The following SELENOO variants were observed in gnomAD, a reference collection of about 807,000 sequenced individuals.
SELENOO encodes the protein protein adenylyltransferase SelO, mitochondrial.
Under a neutral mutation model 58.7 loss-of-function variants are expected in SELENOO, and 74 were observed. The ratio of observed to expected loss-of-function variants is 1.26; its 90% CI spans 1.04 to 1.53. The LOEUF (loss-of-function observed/expected upper bound fraction) is 1.53. Among genes scored for constraint, SELENOO ranks in the 40% most tolerant of loss-of-function variants. The pLI is 0.00. For synonymous variants in SELENOO, 543 were observed against 453.2 expected, an observed-to-expected ratio of 1.20 and a Z score of -2.52; for missense variants, 1,149 against 970.0, an observed-to-expected ratio of 1.18 and a Z score of -2.45.
At chr22:50,201,713 C>T (rs1443276007) in intron 1 of SELENOO, 123 bp downstream of exon 1, 2 of 699,634 alleles carry the variant, frequency 2.9e-6, no homozygotes, top group Non-Finnish European at 3.9e-6. Context: ...CCTGCACCCG[C>T]GGGAGCGCGG....
chr22:50,211,052 T>G, intron 5 of SELENOO, 141 bp downstream of exon 5: 14 of 840,666 alleles, frequency 1.7e-5, no homozygotes, highest in Non-Finnish European at 2.5e-5. Flanking sequence ...TTCTACTCTC[T>G]GTCTTTATGA....
At chr22:50,215,142 C>T (rs1178753636) in intron 5 of SELENOO, among the ~76,000 whole-genome samples, 1 of 152,172 alleles carries the variant, frequency 6.6e-6, no homozygotes, top group Non-Finnish European at 1.5e-5. Context: ...TTTCCAGAGT[C>T]AGGGGGAGGA....
intron 5 of SELENOO, 139 bp downstream of exon 5, chr22:50,211,050 T>C: frequency 1.2e-6 from 1 of 857,226 alleles, no homozygotes; most frequent in Non-Finnish European, 1.8e-6. Flanking sequence ...CATTCTACTC[T>C]CTGTCTTTAT....
At chr22:50,206,117 C>T in intron 1 of SELENOO, 200 bp from the exon 2 acceptor site, 1 of 601,270 alleles carries the variant, frequency 1.7e-6, no homozygotes, top group East Asian at 2.8e-5. Context: ...TGCCGACAAC[C>T]TGCTGGGCTG....
At chr22:50,201,980 C>T (rs1429197382) in intron 1 of SELENOO, among the ~76,000 whole-genome samples, 1 of 152,216 alleles carries the variant, frequency 6.6e-6, no homozygotes, top group African/African-American at 2.4e-5. Context: ...CCCTGACTTC[C>T]CTGCGGGCAG....
chr22:50,211,268 T>G (rs2064369759), intron 5 of SELENOO, among the ~76,000 whole-genome samples: 1 of 152,218 alleles, frequency 6.6e-6, no homozygotes, highest in African/African-American at 2.4e-5. Flanking sequence ...GTTCCTCTTC[T>G]GGCTGTTGCG....
chr22:50,212,427 A>G (rs1026709752), intron 5 of SELENOO, among the ~76,000 whole-genome samples: 7 of 152,204 alleles, frequency 4.6e-5, no homozygotes, highest in Non-Finnish European at 1.0e-4. Context: ...ATTTTGGCAT[A>G]TAATTGTTCG....
At chr22:50,214,692 G>A (rs887320683) in intron 5 of SELENOO, among the ~76,000 whole-genome samples, 2 of 152,186 alleles carry the variant, frequency 1.3e-5, no homozygotes, top group Admixed American at 1.3e-4. Context: ...TGGAACCCAG[G>A]AGGCGGAGGT....
At chr22:50,209,269 G>A (rs1485602491) in intron 3 of SELENOO, 1 of 152,646 alleles carries the variant, frequency 6.6e-6, no homozygotes, top group African/African-American at 2.4e-5. Context: ...GGGTTCCGGG[G>A]GACCGGGCAC....
Position 50,216,774 on chromosome 22 carries a change from A to C in SELENOO, c.1586A>C (p.Glu529Ala), listed in dbSNP as rs2064416562. The change falls in exon 7 of 9, where the codon GAG (glutamate) becomes GCG (alanine). Residue 529 changes from glutamate (E) to alanine (A), a missense_variant. By Grantham distance (107) the Glu-to-Ala change is moderately radical. Transcript: ENST00000380903. Reference sequence around the variant, plus strand: ...GGCACCCGGGCAGGCATCGCCAGGGAGCTGGAGCGTGTGGAGCAGCAGTCT... The same window carrying C: ...GGCACCCGGGCAGGCATCGCCAGGGCGCTGGAGCGTGTGGAGCAGCAGTCT... ...LMGTRAGIAR[E>A]LERVEQQSRL... 6.2e-7 allele frequency: 1 copy of C among 1,608,908 alleles called. No homozygotes were observed. Among genetic ancestry groups the C allele is most frequent in the African/African-American group, 1.3e-5 (1 of 74,994 alleles).
intron 5 of SELENOO, among the ~76,000 whole-genome samples, chr22:50,213,755 T>C (rs959443851): frequency 2.0e-5 from 3 of 151,802 alleles, no homozygotes; most frequent in African/African-American, 4.8e-5. Flanking sequence ...TCACGGCATT[T>C]TCCTGCCTCA....
chr22:50,201,114 G>A lies in SELENOO; in HGVS notation c.78G>A (p.Ser26=), dbSNP rs775782214. 1.2e-4 allele frequency: 161 copies of A among 1,341,258 alleles called. 4 individuals carry two copies. The highest frequency in any genetic ancestry group is 2.3e-4 in the Admixed American group (7 of 29,818). The allele number at this position is 1,341,258 out of a possible 1,614,324, so 83.1% of individuals were successfully genotyped here. A position where few individuals can be genotyped will look rare whatever the true frequency, so the allele number is the denominator to read the frequency against. Residue 26 remains serine, a synonymous_variant, in exon 1 of 9, where the codon TCG becomes TCA. Transcript: ENST00000380903. ...RLLPLGRCSP[S]PAPRSTLSGA... is the part of the protein sequence containing the mutation. ...TGCCCCTCGGTCGCTGTTCCCCGTCGCCGGCGCCCCGCTCTACGTTGTCGG... is the reference window on the plus strand; with the variant it reads ...TGCCCCTCGGTCGCTGTTCCCCGTCACCGGCGCCCCGCTCTACGTTGTCGG...
Position 50,201,405 on chromosome 22 carries a change from CT to C in SELENOO, c.371del (p.Phe124SerfsTer124). On this transcript the variant is annotated frameshift_variant, in exon 1 of 9. Transcript: ENST00000380903. LOFTEE classifies it high-confidence loss of function. ...AGGCCGAGGCCGAGGCCGCGCTGTT[CT>C]TCAGCGGCAACGCGCTCCTGCCGGG... ...REAEAEAALF[F>X]SGNALLPGAE... is the part of the protein sequence containing the mutation. 1 of 1,336,950 alleles carries C rather than the reference CT, an allele frequency of 7.5e-7. No homozygotes were observed. The highest frequency in any genetic ancestry group is 1.7e-5 in the South Asian group (1 of 58,500). 82.8% of individuals were successfully genotyped at this position (1,336,950 alleles called of 1,614,324 possible).
intron 1 of SELENOO, chr22:50,206,115 AC>A (rs1429187260): frequency 1.7e-6 from 1 of 598,896 alleles, no homozygotes; most frequent in East Asian, 2.8e-5. Context: ...TGTGCCGACA[AC>A]CTGCTGGGCT....
At chr22:50,211,725 C>T (rs1271763190) in intron 5 of SELENOO, among the ~76,000 whole-genome samples, 1 of 152,132 alleles carries the variant, frequency 6.6e-6, no homozygotes, top group South Asian at 2.1e-4. Context: ...TTTTTTGAGA[C>T]GGAGTTTCAC....
Position 50,210,447 on chromosome 22 carries a change from TAG to T in SELENOO, c.1070+141_1070+142del, listed in dbSNP as rs963452312. The T allele has an allele frequency of 6.8e-5, 92 of 1,353,154 alleles. No individual in the cohort carries two copies. In the African/African-American group the frequency reaches 1.1e-3, roughly 16 times the overall value. 83.8% of individuals were successfully genotyped at this position (1,353,154 alleles called of 1,614,324 possible). On this transcript the variant is annotated intron_variant, in intron 4 of 8. Coordinates refer to ENST00000380903, the MANE Select transcript of SELENOO (RefSeq NM_031454.2). ...GGGGGCTGGGGGCTGATGTAGGAAG[TAG>T]AGAGTCCAGGGCAATCCCGGAGGCC... is the stretch of plus-strand genomic sequence containing the variant.
rs930379094 is a variant in SELENOO, at chr22:50,201,073, G to C, written c.37G>C (p.Ala13Pro). The change falls in exon 1 of 9, where the codon GCG becomes CCG. Residue 13 changes from alanine (A) to proline (P), a missense_variant. By Grantham distance (27) the Ala-to-Pro change is conservative (BLOSUM62 -1). Coordinates refer to ENST00000380903, the MANE Select transcript of SELENOO (RefSeq NM_031454.2). ...CAGGGCAGCGCTCGGGGCTTCGCTC[G>C]CGGCTGCCCGACTCTTGCCCCTCGG... Reference protein sequence around the residue: ...VYRAALGASLAAARLLPLGRC... With the variant: ...VYRAALGASLPAARLLPLGRC... 4.4e-6 allele frequency: 6 copies of C among 1,361,302 alleles called. No homozygotes were observed. The highest frequency in any genetic ancestry group is 3.1e-5 in the East Asian group (1 of 32,238). The allele number at this position is 1,361,302 out of a possible 1,614,324, so 84.3% of individuals were successfully genotyped here. A position where few individuals can be genotyped will look rare whatever the true frequency, so the allele number is the denominator to read the frequency against.
rs200876301 is a variant in SELENOO at position 50,216,740 on chromosome 22, G to A, written c.1552G>A (p.Ala518Thr). ...GGCGCAGTCAAACCCGCAGCTGTTC[G>A]CGCTTATGGGCACCCGGGCAGGCAT... is the stretch of plus-strand genomic sequence containing the variant. ...MLAQSNPQLFALMGTRAGIAR... is the reference protein window; with the variant it reads ...MLAQSNPQLFTLMGTRAGIAR... The change falls in exon 7 of 9, where the codon GCG becomes ACG. Residue 518 changes from alanine to threonine, a missense_variant. Physicochemically the swap from Ala to Thr is moderately conservative, Grantham distance 58 (BLOSUM62 0). Coordinates refer to ENST00000380903, the MANE Select transcript of SELENOO (RefSeq NM_031454.2). 98 of 1,605,934 alleles carry A rather than the reference G, an allele frequency of 6.1e-5. No homozygotes were observed. The highest frequency in any genetic ancestry group is 6.6e-5 in the Non-Finnish European group (78 of 1,178,674).
At chr22:50,215,588 G>A (rs1602496465) in intron 5 of SELENOO, 129 bp from the exon 6 acceptor site, 4 of 693,496 alleles carry the variant, frequency 5.8e-6, no homozygotes, top group East Asian at 2.8e-5. Context: ...GTGGGGGGCG[G>A]TGGTGGAGCA....
Sources: gnomAD v4.1 joint callset for allele counts (sites outside exome capture counted in the v4.1 genomes callset) on GRCh38, gnomAD v4.1.1 for gene constraint, MANE v1.5 for transcripts, NCBI Gene and HGNC (gene_info 2026-07-23, HGNC 2026-07-21) for gene names.